The following C2CD2 variants were observed in gnomAD, a reference collection of about 807,000 sequenced individuals.
The protein encoded by C2CD2 is C2 domain-containing protein 2.
In C2CD2, 43 loss-of-function variants were observed where a neutral mutation model predicts 74.3. That is an observed-to-expected ratio of 0.58 (90% CI 0.45 to 0.75). C2CD2 has a LOEUF of 0.75. C2CD2 is among the 30% of genes least tolerant of loss of function. C2CD2 has a pLI of 0.00. For synonymous variants in C2CD2, 422 were observed against 390.7 expected, an observed-to-expected ratio of 1.08 and a Z score of -0.94; for missense variants, 801 against 916.3, an observed-to-expected ratio of 0.87 and a Z score of 1.63.
chr21:41,938,803 G>A (rs575055199), intron 2 of C2CD2, among the ~76,000 whole-genome samples: 9 of 149,512 alleles, frequency 6.0e-5, no homozygotes, highest in Admixed American at 1.3e-4. Context: ...GTGCACTGGC[G>A]TGATCTCGGC....
intron 1 of C2CD2, among the ~76,000 whole-genome samples, chr21:41,952,077 AGGGG>A (rs1249795341): frequency 2.6e-5 from 4 of 152,176 alleles, no homozygotes; most frequent in Non-Finnish European, 5.9e-5. Context: ...TGAGGCCAAC[AGGGG>A]TGGAGGGCTC....
chr21:41,931,974 G>A (rs186233169), intron 2 of C2CD2, among the ~76,000 whole-genome samples: 86 of 62,668 alleles, frequency 1.4e-3, no homozygotes, highest in African/African-American at 6.3e-3. Flanking sequence ...CCCACCTCCA[G>A]CATCCCACCT....
rs147753254 is a variant in C2CD2 at position 41,947,112 on chromosome 21, T to TTCTCTCTCTCTCTCTCTC, written c.280-4885_280-4868dup. On this transcript the variant is annotated intron_variant, in intron 1 of 13. Transcript: ENST00000380486. ...TTTCTTTCTTTCTTTCCTTTCTCTT[T>TTCTCTCTCTCTCTCTCTC]TCTCTCTCTCTCTCTCTCTCTCTCT... is the stretch of plus-strand genomic sequence containing the variant. Among the ~76,000 whole-genome samples, 52 of 26,200 alleles carry TTCTCTCTCTCTCTCTCTC rather than the reference T, an allele frequency of 2.0e-3. 7 individuals are homozygous for TTCTCTCTCTCTCTCTCTC. The highest frequency in any genetic ancestry group is 5.0e-3 in the East Asian group (16 of 3,202). The allele number at this position is 26,200 out of a possible 152,430, so 17.2% of individuals were successfully genotyped here. A position where few individuals can be genotyped will look rare whatever the true frequency, so the allele number is the denominator to read the frequency against.
chr21:41,913,851 G>A (rs1424346872), intron 6 of C2CD2, among the ~76,000 whole-genome samples: 1 of 152,186 alleles, frequency 6.6e-6, no homozygotes, highest in Admixed American at 6.5e-5. Context: ...ATTCTGTGTT[G>A]CTTGTCTTGG....
intron 2 of C2CD2, among the ~76,000 whole-genome samples, chr21:41,936,448 T>G (rs957773671): frequency 1.3e-5 from 2 of 152,218 alleles, no homozygotes; most frequent in Non-Finnish European, 2.9e-5. Context: ...TAACAAGTGC[T>G]GGTAAGGATG....
chr21:41,899,366 T>A lies in C2CD2; in HGVS notation c.1561-4A>T. ...CGTGGTCCTGAGATAGTGAGGTCTG[T>A]CAGGGGCAGTGGGGAAGATGACAAG... On this transcript the variant is annotated splice_region_variant and splice_polypyrimidine_tract_variant and intron_variant, in intron 12 of 13. Transcript: ENST00000380486. The surrounding 1 kb of genome is among the most constrained non-coding windows in gnomAD (Gnocchi z 4.4). The A allele has an allele frequency of 6.2e-7, 1 of 1,602,802 alleles. No homozygotes were observed. The highest frequency in any genetic ancestry group is 1.1e-5 in the South Asian group (1 of 90,952).
intron 2 of C2CD2, among the ~76,000 whole-genome samples, chr21:41,934,938 C>T (rs1038074645): frequency 6.6e-6 from 1 of 152,050 alleles, no homozygotes; most frequent in African/African-American, 2.4e-5. Flanking sequence ...GTCGCTCAGG[C>T]TGAAGTGCAG....
At chr21:41,943,761 G>A (rs1482370746) in intron 1 of C2CD2, among the ~76,000 whole-genome samples, 1 of 152,206 alleles carries the variant, frequency 6.6e-6, no homozygotes, top group Non-Finnish European at 1.5e-5. Flanking sequence ...ACCTAAAGGG[G>A]ACAGAACATT....
At chr21:41,890,959 G>A (rs1366460996) in intron 13 of C2CD2, among the ~76,000 whole-genome samples, 5 of 152,170 alleles carry the variant, frequency 3.3e-5, no homozygotes, top group African/African-American at 9.7e-5. Context: ...ATGAAAGGCC[G>A]CAATGGACTG....
intron 1 of C2CD2, chr21:41,953,105 C>T (rs945828822): frequency 1.3e-4 from 48 of 378,342 alleles, no homozygotes; most frequent in African/African-American, 9.6e-4. Flanking sequence ...TCTGACGGTC[C>T]CTCCAACTGC....
chr21:41,910,334 C>G (rs754219510), intron 7 of C2CD2, among the ~76,000 whole-genome samples: 2 of 152,316 alleles, frequency 1.3e-5, no homozygotes, highest in East Asian at 1.9e-4. Flanking sequence ...GAGGCACATT[C>G]TTACCCATAT....
At position 41,889,091 on chromosome 21, in the gene C2CD2, C is replaced by G. The variant is rs377599432; in HGVS notation, c.*33G>C. 1 of 1,547,248 alleles carries G rather than the reference C, an allele frequency of 6.5e-7. No homozygotes were observed. Among genetic ancestry groups the G allele is most frequent in the South Asian group, 1.1e-5 (1 of 89,338 alleles). On this transcript the variant is annotated 3_prime_UTR_variant, in exon 14 of 14. Coordinates refer to ENST00000380486, the MANE Select transcript of C2CD2 (RefSeq NM_015500.2). ...GGTGAGGGTAGTTAACATGGGTGCA[C>G]GTCTTCTGGCTTGGAGGTGATGACC...
chr21:41,889,324 CA>C lies in C2CD2; in HGVS notation c.1890del (p.Ala631GlnfsTer16). 1 of 1,613,792 alleles carries C rather than the reference CA, an allele frequency of 6.2e-7. No individual in the cohort carries two copies. The highest frequency in any genetic ancestry group is 8.5e-7 in the Non-Finnish European group (1 of 1,179,832). On this transcript the variant is annotated frameshift_variant, in exon 14 of 14. Transcript: ENST00000380486. LOFTEE classifies it high-confidence loss of function. ...KKHKGGILRKGAKLFFRRRHQ... is the reference protein window; with the variant it reads ...KKHKGGILRKXAKLFFRRRHQ... ...TGCCGCCGGCGGAAGAACAGCTTTG[CA>C]CCTTTCCTTAGAATTCCTCCTGGAA...
rs1260284273 is a variant in C2CD2, at chr21:41,924,322, G to C, written c.379-2237C>G. On this transcript the variant is annotated intron_variant, in intron 2 of 13. Coordinates refer to ENST00000380486, the MANE Select transcript of C2CD2 (RefSeq NM_015500.2). The surrounding 1 kb of genome is among the most constrained non-coding windows in gnomAD (Gnocchi z 4.4). ...AACCTGGGCACTAAGGCCCGGGCAG[G>C]GGTCAACATCCAATATCCACAACCA... Among the ~76,000 whole-genome samples the C allele has an allele frequency of 6.6e-6, 1 of 152,134 alleles. No homozygotes were observed. The highest frequency in any genetic ancestry group is 6.5e-5 in the Admixed American group (1 of 15,280).
chr21:41,915,771 C>T (rs912779406), intron 5 of C2CD2, among the ~76,000 whole-genome samples: 1 of 152,052 alleles, frequency 6.6e-6, no homozygotes. Context: ...TTATTTTGTT[C>T]GTTTGTTTGT....
At chr21:41,894,714 G>A (rs569247916) in intron 13 of C2CD2, 11 of 456,740 alleles carry the variant, frequency 2.4e-5, no homozygotes, top group Admixed American at 1.9e-4. Context: ...TGCGGACAGA[G>A]GCCATTCCAT....
At chr21:41,893,547 G>C (rs1601542923) in intron 13 of C2CD2, among the ~76,000 whole-genome samples, 2 of 151,686 alleles carry the variant, frequency 1.3e-5, no homozygotes, top group South Asian at 4.2e-4. Context: ...CATACCCTGA[G>C]GGACTAACTT....
Position 41,889,855 on chromosome 21 carries a change from G to A in C2CD2, c.1871-511C>T, listed in dbSNP as rs181044990. 1.7e-3 allele frequency among the ~76,000 whole-genome samples: 266 copies of A among 152,088 alleles called. 1 individual carries two copies. The highest frequency in any genetic ancestry group is 4.0e-3 in the South Asian group (19 of 4,810). ...TCACCATGTTGGTCAGGCTGGTCTC[G>A]AACTCCTGACCTCAGGTGATCCACC... is the stretch of plus-strand genomic sequence containing the variant. On this transcript the variant is annotated intron_variant, in intron 13 of 13. Coordinates refer to ENST00000380486, the MANE Select transcript of C2CD2 (RefSeq NM_015500.2).
intron 2 of C2CD2, 87 bp from the exon 3 acceptor site, chr21:41,922,172 T>G: frequency 1.3e-6 from 1 of 791,314 alleles, no homozygotes; most frequent in Non-Finnish European, 2.1e-6. Flanking sequence ...TCTTTTTTTT[T>G]TTTTGAGACA....
Sources: allele counts gnomAD v4.1 joint callset (sites outside exome capture counted in the v4.1 genomes callset), GRCh38; gene constraint gnomAD v4.1.1; non-coding constraint Gnocchi (gnomAD v3.1); transcripts MANE v1.5; gene names NCBI Gene and HGNC (gene_info 2026-07-23, HGNC 2026-07-21).